The following BTBD9 variants were observed in gnomAD, a reference collection of about 807,000 sequenced individuals.
BTBD9 encodes the protein BTB domain containing 9, also known as BTB/POZ domain-containing protein 9.
A neutral mutation model predicts 64.3 loss-of-function variants in BTBD9; 49 were observed. That is an observed-to-expected ratio of 0.76 (90% CI 0.61 to 0.97). The LOEUF (loss-of-function observed/expected upper bound fraction) is 0.97. Ranked by LOEUF, BTBD9 falls within the 50% of genes least tolerant of loss-of-function variation. The pLI is 0.00. For synonymous variants in BTBD9, 260 were observed against 274.7 expected, an observed-to-expected ratio of 0.95 and a Z score of 0.53; for missense variants, 598 against 762.1, an observed-to-expected ratio of 0.78 and a Z score of 2.53.
chr6:38,303,799 A>G (rs987929069), intron 7 of BTBD9, among the ~76,000 whole-genome samples: 13 of 143,320 alleles, frequency 9.1e-5, no homozygotes, highest in Admixed American at 8.5e-4. Context: ...TGTCTCCAAC[A>G]TATTTTCTAA....
At chr6:38,457,485 T>A (rs371374293) in intron 6 of BTBD9, among the ~76,000 whole-genome samples, 1 of 152,140 alleles carries the variant, frequency 6.6e-6, no homozygotes, top group East Asian at 1.9e-4. Flanking sequence ...AGTTAATTTT[T>A]TTTTTTTTAA....
chr6:38,442,269 C>T (rs538004653), intron 6 of BTBD9, among the ~76,000 whole-genome samples: 44 of 152,036 alleles, frequency 2.9e-4, no homozygotes, highest in South Asian at 1.5e-3. Context: ...GGGCAGGTCA[C>T]GAGGTCAGGA....
chr6:38,175,343 A>G (rs890443177), intron 10 of BTBD9, among the ~76,000 whole-genome samples, 161 bp from the exon 11 acceptor site: 7 of 152,194 alleles, frequency 4.6e-5, no homozygotes, highest in African/African-American at 1.7e-4. Context: ...CAGACACCTG[A>G]TGGCAACTAG....
At chr6:38,603,538 T>A (rs575304386) in intron 1 of BTBD9, among the ~76,000 whole-genome samples, 5 of 152,344 alleles carry the variant, frequency 3.3e-5, no homozygotes, top group African/African-American at 9.6e-5. Context: ...GACCCAAACA[T>A]CAATTTCTTT....
chr6:38,180,696 A>C (rs1253092544), intron 10 of BTBD9, among the ~76,000 whole-genome samples: 3 of 152,136 alleles, frequency 2.0e-5, no homozygotes, highest in African/African-American at 7.2e-5. Flanking sequence ...ATGCAAAACC[A>C]TTACTCTGGC....
At chr6:38,636,231 C>T (rs1778521080) in intron 1 of BTBD9, among the ~76,000 whole-genome samples, 1 of 152,150 alleles carries the variant, frequency 6.6e-6, no homozygotes, top group African/African-American at 2.4e-5. Context: ...GAGATTTGAC[C>T]TGCCATCTTC....
chr6:38,222,471 G>T (rs1763243667), intron 9 of BTBD9, among the ~76,000 whole-genome samples: 1 of 151,890 alleles, frequency 6.6e-6, no homozygotes, highest in Non-Finnish European at 1.5e-5. Context: ...GTGTTAGCCA[G>T]GATGGTCTCG....
At chr6:38,536,372 T>C (rs1774023786) in intron 6 of BTBD9, among the ~76,000 whole-genome samples, 1 of 152,164 alleles carries the variant, frequency 6.6e-6, no homozygotes, top group African/African-American at 2.4e-5. Context: ...CGTACACTGC[T>C]GGTGGAAATG....
At chr6:38,216,917 G>A (rs1303637169) in intron 9 of BTBD9, among the ~76,000 whole-genome samples, 1 of 152,062 alleles carries the variant, frequency 6.6e-6, no homozygotes, top group African/African-American at 2.4e-5. Context: ...TCCACCTTGG[G>A]GTTTCAGATT....
At chr6:38,426,520 G>A (rs764958683) in intron 6 of BTBD9, among the ~76,000 whole-genome samples, 1 of 151,792 alleles carries the variant, frequency 6.6e-6, no homozygotes, top group Non-Finnish European at 1.5e-5. Flanking sequence ...GCTTTTGCTC[G>A]CCATCCACCA....
chr6:38,583,866 A>C (rs1364656312), intron 4 of BTBD9, among the ~76,000 whole-genome samples: 1 of 152,258 alleles, frequency 6.6e-6, no homozygotes, highest in African/African-American at 2.4e-5. Flanking sequence ...TCATTGGATA[A>C]AAATATAACT....
chr6:38,266,610 GAAAGAAA>G (rs1764989542), intron 8 of BTBD9, among the ~76,000 whole-genome samples: 4 of 3,632 alleles, frequency 1.1e-3, no homozygotes, highest in African/African-American at 2.9e-3. Flanking sequence ...AGAAAGGAAA[GAAAGAAA>G]GAAAGAAAGA....
chr6:38,479,482 C>T (rs1423980249), intron 6 of BTBD9, among the ~76,000 whole-genome samples: 1 of 152,042 alleles, frequency 6.6e-6, no homozygotes, highest in East Asian at 1.9e-4. Flanking sequence ...AAAGTTATTA[C>T]AATCTTTGGA....
chr6:38,297,841 C>CT (rs747848539), intron 7 of BTBD9, among the ~76,000 whole-genome samples: 213 of 136,508 alleles, frequency 1.6e-3, no homozygotes, highest in Middle Eastern at 3.8e-3. Flanking sequence ...CTCCAGTTTT[C>CT]TTTTTTTTTT....
intron 6 of BTBD9, among the ~76,000 whole-genome samples, chr6:38,572,961 G>A (rs570870662): frequency 9.9e-5 from 15 of 151,774 alleles, no homozygotes; most frequent in African/African-American, 9.7e-5. Context: ...CTAAAAATGC[G>A]TTAACAAATT....
At chr6:38,465,759 A>G (rs1390852540) in intron 6 of BTBD9, among the ~76,000 whole-genome samples, 2 of 54,794 alleles carry the variant, frequency 3.7e-5, no homozygotes, top group Admixed American at 2.1e-4. Context: ...ATATATATGT[A>G]TGTATGTATG....
At chr6:38,618,032 G>C (rs1777849457) in intron 1 of BTBD9, among the ~76,000 whole-genome samples, 1 of 152,214 alleles carries the variant, frequency 6.6e-6, no homozygotes, top group Non-Finnish European at 1.5e-5. Flanking sequence ...TATTTCCACT[G>C]CTGCTTCAGT....
chr6:38,420,832 G>A (rs1767868840), intron 6 of BTBD9, among the ~76,000 whole-genome samples: 1 of 152,050 alleles, frequency 6.6e-6, no homozygotes, highest in African/African-American at 2.4e-5. Context: ...CTCTAGCTTG[G>A]CAACAGAGTG....
chr6:38,464,966 A>G (rs918844135), intron 6 of BTBD9, among the ~76,000 whole-genome samples: 2 of 152,136 alleles, frequency 1.3e-5, no homozygotes, highest in African/African-American at 2.4e-5. Flanking sequence ...CAGTAAAGCC[A>G]TCTGAGCCTG....
Sources: allele counts gnomAD v4.1 joint callset (sites outside exome capture counted in the v4.1 genomes callset), GRCh38; gene constraint gnomAD v4.1.1; transcripts MANE v1.5; gene names NCBI Gene and HGNC (gene_info 2026-07-23, HGNC 2026-07-21).